PIGZ: variants seen among roughly 807,000 people sequenced by gnomAD.
PIGZ encodes the protein phosphatidylinositol glycan anchor biosynthesis class Z (Gwada blood group), also known as GPI alpha-1,2-mannosyltransferase 4.
PIGZ carries 16 observed loss-of-function variants against 16.4 expected under a neutral mutation model. That is an observed-to-expected ratio of 0.97 (90% CI 0.66 to 1.48). The LOEUF (loss-of-function observed/expected upper bound fraction) is 1.48, where lower values mean the gene tolerates loss of function less well. Ranked by LOEUF, PIGZ falls within the 40% of genes most tolerant of loss-of-function variation. The pLI, the probability that PIGZ is intolerant of heterozygous loss-of-function variation, is 0.00. For missense variants in PIGZ, 770 were observed against 739.2 expected (o/e 1.04, Z -0.48); for synonymous variants, 409 against 338.4 (o/e 1.21, Z -2.29).
intron 1 of PIGZ, among the ~76,000 whole-genome samples, chr3:196,967,420 A>G (rs941011564): frequency 1.3e-5 from 2 of 152,152 alleles, no homozygotes; most frequent in African/African-American, 4.8e-5. Context: ...GTTGCCGCTT[A>G]TGGGAGAAGG....
intron 2 of PIGZ, among the ~76,000 whole-genome samples, 192 bp from the exon 3 acceptor site, chr3:196,948,877 T>C (rs1279564220): frequency 1.5e-4 from 6 of 40,434 alleles, no homozygotes; most frequent in Non-Finnish European, 2.6e-4. Flanking sequence ...CCTTCCTTCC[T>C]TCCCTTCCTT....
In PIGZ at chr3:196,947,642, A is replaced by T. The variant is rs1388961218; in HGVS notation, c.1255T>A (p.Phe419Ile). ...AAGAGGAGGGCACCGAGGGCGTTGA[A>T]GAGGACCACAGTGCCCTTCCAAGGC... ...PVPWKGTVVL[F>I]NALGALLFGC... The change falls in exon 3 of 3, where the codon TTC (phenylalanine) becomes ATC (isoleucine). Residue 419 changes from phenylalanine to isoleucine, a missense_variant. Transcript: ENST00000412723. The T allele has an allele frequency of 2.5e-6, 4 of 1,611,762 alleles. No homozygotes were observed. The highest frequency in any genetic ancestry group is 3.4e-6 in the Non-Finnish European group (4 of 1,178,588).
intron 1 of PIGZ, among the ~76,000 whole-genome samples, chr3:196,953,796 G>T (rs968196275): frequency 6.7e-6 from 1 of 148,154 alleles, no homozygotes; most frequent in Non-Finnish European, 1.5e-5. Context: ...AAACCAGGAG[G>T]TCAGACCAGC....
chr3:196,962,486 G>T (rs1717757778), intron 1 of PIGZ, among the ~76,000 whole-genome samples: 1 of 152,178 alleles, frequency 6.6e-6, no homozygotes, highest in African/African-American at 2.4e-5. Flanking sequence ...TGCTGAGGAG[G>T]ATTACTGAAA....
At position 196,947,977 on chromosome 3, in the gene PIGZ, G is replaced by C. The variant is rs368275616; in HGVS notation, c.920C>G (p.Ala307Gly). 6 of 1,607,834 alleles carry C rather than the reference G, an allele frequency of 3.7e-6. No homozygotes were observed. Among genetic ancestry groups the C allele is most frequent in the African/African-American group, 1.3e-5 (1 of 74,762 alleles). The stretch of plus-strand genomic sequence containing the variant: ...GAGCCGCGCGTGCGTGCCATGTCTC[G>C]CCAGGTTTTGGGGATTCAGGTTGTA... ...LHYNLNPQNL[A>G]RHGTHARLTH... Residue 307 changes from alanine (A) to glycine (G), a missense_variant, in exon 3 of 3, where the codon GCG (alanine) becomes GGG (glycine). Physicochemically the swap from Ala to Gly is moderately conservative, Grantham distance 60. Transcript: ENST00000412723.
At chr3:196,963,764 C>T (rs1014845907) in intron 1 of PIGZ, among the ~76,000 whole-genome samples, 8 of 152,214 alleles carry the variant, frequency 5.3e-5, no homozygotes, top group East Asian at 1.9e-4. Context: ...GGCTGCTACA[C>T]GTGGCTTCCA....
At position 196,946,357 on chromosome 3, in the gene PIGZ, C is replaced by G. The variant is rs527449610; in HGVS notation, c.*800G>C. On this transcript the variant is annotated 3_prime_UTR_variant, in exon 3 of 3. Transcript: ENST00000412723. ...GTAAAAGAAAGTAGGGAGAAAATCT[C>G]CAGTGCTATTATATATTTCAAACAT... 7 of 152,340 alleles carry G rather than the reference C, an allele frequency of 4.6e-5. No individual in the cohort carries two copies. Among genetic ancestry groups the G allele is most frequent in the African/African-American group, 1.7e-4 (7 of 41,570 alleles). 9.4% of individuals were successfully genotyped at this position (152,340 alleles called of 1,614,324 possible).
At chr3:196,956,380 A>G (rs925148471) in intron 1 of PIGZ, among the ~76,000 whole-genome samples, 2 of 152,204 alleles carry the variant, frequency 1.3e-5, no homozygotes, top group East Asian at 3.8e-4. Context: ...TGAGAAGCAA[A>G]CGAATGAGAA....
At position 196,968,497 on chromosome 3, in the gene PIGZ, G is replaced by T. The variant is rs564665158; in HGVS notation, c.-1+190C>A. 7.2e-4 allele frequency among the ~76,000 whole-genome samples: 110 copies of T among 152,358 alleles called. 4 individuals carry two copies. The highest frequency in any genetic ancestry group is 2.5e-3 in the African/African-American group (102 of 41,586). ...CGGGGCGGGTCAGTGCTTCGAGCCA[G>T]CGGACCCCGGCCTAGGGACAGGTGC... On this transcript the variant is annotated intron_variant, in intron 1 of 2. Transcript: ENST00000412723.
chr3:196,947,828 G>T lies in PIGZ; in HGVS notation c.1069C>A (p.Leu357Met). Residue 357 changes from leucine to methionine, a missense_variant, in exon 3 of 3, where the codon CTG (leucine) becomes ATG (methionine). Transcript: ENST00000412723. ...CTGGACAGCAGGCTCCGGGCACCCA[G>T]TGCCCTCAGGAGGCCCATTTGTGCA... is the stretch of plus-strand genomic sequence containing the variant. Reference protein sequence around the residue: ...ASAQMGLLRALGARSLLSSPR... With the variant: ...ASAQMGLLRAMGARSLLSSPR... The T allele has an allele frequency of 6.2e-7, 1 of 1,610,776 alleles. No homozygotes were observed.
chr3:196,961,116 C>T (rs79424507), intron 1 of PIGZ, among the ~76,000 whole-genome samples: 2,070 of 152,262 alleles, frequency 0.014, 14 homozygotes, highest in East Asian at 0.036. Context: ...GCTCATTCAC[C>T]GGCTTCGTTG....
chr3:196,955,622 G>C (rs1260619688), intron 1 of PIGZ, among the ~76,000 whole-genome samples: 1 of 143,496 alleles, frequency 7.0e-6, no homozygotes, highest in African/African-American at 2.6e-5. Context: ...TGCTGCCCAG[G>C]CTGGAGTGCA....
At chr3:196,964,144 G>A (rs770309643) in intron 1 of PIGZ, among the ~76,000 whole-genome samples, 2 of 152,008 alleles carry the variant, frequency 1.3e-5, no homozygotes, top group African/African-American at 2.4e-5. Flanking sequence ...TCCACCTCCC[G>A]GGTTCACGCC....
Position 196,958,535 on chromosome 3 carries a change from G to A in PIGZ, c.1-6504C>T, listed in dbSNP as rs145502037. On this transcript the variant is annotated intron_variant, in intron 1 of 2. Coordinates refer to ENST00000412723, the MANE Select transcript of PIGZ (RefSeq NM_025163.4). ...CATCCCAGCTACTGGGGAAGCTGAG[G>A]CAGGAGAATCGCTTGAACCTGGGAG... is the stretch of plus-strand genomic sequence containing the variant. Among the ~76,000 whole-genome samples the A allele has an allele frequency of 5.1e-4, 78 of 152,358 alleles. No individual in the cohort carries two copies. In the East Asian group the frequency reaches 8.1e-3, roughly 16 times the overall value.
chr3:196,959,479 C>G (rs1019063466), intron 1 of PIGZ, among the ~76,000 whole-genome samples: 2 of 152,142 alleles, frequency 1.3e-5, no homozygotes, highest in Non-Finnish European at 2.9e-5. Context: ...TGCAAGTTCT[C>G]CTTCCATCAT....
At chr3:196,962,952 T>C (rs1405557746) in intron 1 of PIGZ, among the ~76,000 whole-genome samples, 1 of 152,222 alleles carries the variant, frequency 6.6e-6, no homozygotes, top group African/African-American at 2.4e-5. Context: ...CCCACTTTTC[T>C]TCCTCTATGC....
At position 196,965,702 on chromosome 3, in the gene PIGZ, C is replaced by T. The variant is rs1289228516; in HGVS notation, c.-1+2985G>A. On this transcript the variant is annotated intron_variant, in intron 1 of 2. Coordinates refer to ENST00000412723, the MANE Select transcript of PIGZ (RefSeq NM_025163.4). This position sits in a 1 kb window ranked among gnomAD's most constrained non-coding sequence, Gnocchi z 4.2. ...TTAGCCTTAGGGGTGGCTGGCTGTGCAGAATCTTTGGATGGCTGGAGGCCC... is the reference window on the plus strand; with the variant it reads ...TTAGCCTTAGGGGTGGCTGGCTGTGTAGAATCTTTGGATGGCTGGAGGCCC... Among the ~76,000 whole-genome samples the T allele has an allele frequency of 1.3e-5, 2 of 152,140 alleles. No individual in the cohort carries two copies. Among genetic ancestry groups the T allele is most frequent in the African/African-American group, 4.8e-5 (2 of 41,422 alleles).
intron 1 of PIGZ, among the ~76,000 whole-genome samples, chr3:196,964,920 C>T (rs1461305543): frequency 1.3e-5 from 2 of 152,094 alleles, no homozygotes; most frequent in African/African-American, 2.4e-5. Context: ...CAAAAGGTAA[C>T]GGAACTACTA....
At chr3:196,949,479 C>T (rs1326327148) in intron 2 of PIGZ, among the ~76,000 whole-genome samples, 3 of 152,138 alleles carry the variant, frequency 2.0e-5, no homozygotes, top group African/African-American at 4.8e-5. Flanking sequence ...GCAAGGAAGC[C>T]GCACCATAGG....
Sources: allele counts gnomAD v4.1 joint callset (sites outside exome capture counted in the v4.1 genomes callset), GRCh38; gene constraint gnomAD v4.1.1; non-coding constraint Gnocchi (gnomAD v3.1); transcripts MANE v1.5; gene names NCBI Gene and HGNC (gene_info 2026-07-23, HGNC 2026-07-21).